CARM1: variants seen among roughly 807,000 people sequenced by gnomAD.
The protein encoded by CARM1 is histone-arginine methyltransferase CARM1.
Under a neutral mutation model 72.7 loss-of-function variants are expected in CARM1, and 14 were observed. The observed-to-expected ratio is 0.19, with a 90% CI of 0.13 to 0.30. The LOEUF (loss-of-function observed/expected upper bound fraction) is 0.30. Among genes scored for constraint, CARM1 ranks in the 10% least tolerant of loss-of-function variants. The pLI, the probability that CARM1 is intolerant of heterozygous loss-of-function variation, is 1.00. For missense variants in CARM1, 432 were observed against 833.7 expected (o/e 0.52, Z 5.93); for synonymous variants, 333 against 345.5 (o/e 0.96, Z 0.40).
At chr19:10,895,313 C>T (rs1165723872) in intron 1 of CARM1, among the ~76,000 whole-genome samples, 1 of 152,152 alleles carries the variant, frequency 6.6e-6, no homozygotes, top group African/African-American at 2.4e-5. Flanking sequence ...CCATGTTGGC[C>T]GGACTAGTCT....
At chr19:10,914,109 C>A in intron 6 of CARM1, 55 bp downstream of exon 6, 1 of 1,504,738 alleles carries the variant, frequency 6.6e-7, no homozygotes, top group Admixed American at 2.1e-5. Context: ...CTGGCTGCCG[C>A]TGAGCCAGGC....
chr19:10,909,059 CG>C, intron 3 of CARM1, 43 bp from the exon 4 acceptor site: 3 of 1,478,004 alleles, frequency 2.0e-6, no homozygotes, highest in Non-Finnish European at 1.9e-6. Context: ...TTGGCTGCCT[CG>C]TGCCACCATG....
chr19:10,894,219 C>T (rs556467193), intron 1 of CARM1, among the ~76,000 whole-genome samples: 5 of 152,340 alleles, frequency 3.3e-5, no homozygotes, highest in South Asian at 4.1e-4. Flanking sequence ...CACTGCCCTG[C>T]TGGGTGCTGT....
intron 2 of CARM1, among the ~76,000 whole-genome samples, chr19:10,906,485 C>T (rs1249534626): frequency 3.9e-5 from 6 of 152,200 alleles, no homozygotes; most frequent in Non-Finnish European, 5.9e-5. Context: ...GACGGAGTCT[C>T]GCTCTGTCAC....
At chr19:10,921,538 CTT>C (rs2074250008) in intron 15 of CARM1, 75 bp from the exon 16 acceptor site, 1 of 1,570,068 alleles carries the variant, frequency 6.4e-7, no homozygotes, top group Non-Finnish European at 8.7e-7. Flanking sequence ...CTTGCCTGCC[CTT>C]TCTCTCTCTC....
Position 10,920,642 on chromosome 19 carries a change from C to G in CARM1, c.1335-17C>G, listed in dbSNP as rs771637225. 1 of 1,614,130 alleles carries G rather than the reference C, an allele frequency of 6.2e-7. No homozygotes were observed. ...TCTGCCCAGCAGCTCATGCCACGGC[C>G]TGCACCCTGTCCGCAGACAGAGCTA... On this transcript the variant is annotated splice_polypyrimidine_tract_variant and intron_variant, in intron 11 of 15. Transcript: ENST00000327064. The surrounding 1 kb of genome is among the most constrained non-coding windows in gnomAD (Gnocchi z 5.3).
intron 2 of CARM1, among the ~76,000 whole-genome samples, chr19:10,906,714 C>A (rs1328877061): frequency 1.3e-5 from 2 of 152,030 alleles, no homozygotes; most frequent in African/African-American, 4.8e-5. Flanking sequence ...ATCCGCCTGC[C>A]TCCGCCTCCC....
intron 1 of CARM1, among the ~76,000 whole-genome samples, chr19:10,902,353 G>T (rs1452908247): frequency 2.7e-5 from 4 of 146,180 alleles, no homozygotes; most frequent in African/African-American, 1.0e-4. Context: ...GAGTACAGTG[G>T]TGTGATCTTG....
chr19:10,896,831 A>G lies in CARM1; in HGVS notation c.221-8120A>G, dbSNP rs1370024878. On this transcript the variant is annotated intron_variant, in intron 1 of 15. Transcript: ENST00000327064. This position sits in a 1 kb window ranked among gnomAD's most constrained non-coding sequence, Gnocchi z 5.2. The stretch of plus-strand genomic sequence containing the variant: ...CTCGGCTGTCCTCACCGCCTCTAGG[A>G]TGGGGAGTGTGTCTCCATTGCCGAG... 6.6e-6 allele frequency among the ~76,000 whole-genome samples: 1 copy of G among 152,146 alleles called. No individual in the cohort carries two copies. The highest frequency in any genetic ancestry group is 2.4e-5 in the African/African-American group (1 of 41,418).
chr19:10,884,005 G>A lies in CARM1; in HGVS notation c.220+12083G>A, dbSNP rs1462718852. Among the ~76,000 whole-genome samples the A allele has an allele frequency of 3.5e-5, 5 of 144,482 alleles. No individual in the cohort carries two copies. The East Asian group carries it at 6.2e-4, about 18-fold the overall frequency. 94.8% of individuals were successfully genotyped at this position (144,482 alleles called of 152,430 possible). ...TGCACTCCGGCCTGGGTGACAGAGC[G>A]AGACTCTGTTTTTTTTTTTTTTTTT... On this transcript the variant is annotated intron_variant, in intron 1 of 15. Coordinates refer to ENST00000327064, the MANE Select transcript of CARM1 (RefSeq NM_199141.2).
At chr19:10,908,480 A>G (rs1257139022) in intron 3 of CARM1, 3 of 265,722 alleles carry the variant, frequency 1.1e-5, no homozygotes, top group Non-Finnish European at 2.2e-5. Flanking sequence ...GCGCTGTCAC[A>G]TGCACAGAAG....
chr19:10,873,225 C>T (rs1306698407), intron 1 of CARM1, among the ~76,000 whole-genome samples: 7 of 152,116 alleles, frequency 4.6e-5, no homozygotes, highest in Non-Finnish European at 1.0e-4. Context: ...CAAAGCGGGG[C>T]AGCGTTTCCA....
At chr19:10,918,069 T>C (rs1238040494) in intron 8 of CARM1, among the ~76,000 whole-genome samples, 1 of 151,974 alleles carries the variant, frequency 6.6e-6, no homozygotes, top group Non-Finnish European at 1.5e-5. Flanking sequence ...CAGGAAATAT[T>C]TTGGTGGTAT....
intron 1 of CARM1, 144 bp downstream of exon 1, chr19:10,872,066 C>G: frequency 4.7e-6 from 3 of 633,246 alleles, no homozygotes; most frequent in Non-Finnish European, 4.3e-6. Flanking sequence ...AGGGAGCGAC[C>G]GTGGAGGGCC....
At chr19:10,881,722 C>G (rs935699327) in intron 1 of CARM1, among the ~76,000 whole-genome samples, 10 of 152,070 alleles carry the variant, frequency 6.6e-5, no homozygotes, top group African/African-American at 2.4e-4. Context: ...GAGACCCACT[C>G]TTTCATTCAT....
intron 1 of CARM1, among the ~76,000 whole-genome samples, chr19:10,877,002 G>A (rs1407522967): frequency 6.6e-6 from 1 of 152,234 alleles, no homozygotes; most frequent in Non-Finnish European, 1.5e-5. Flanking sequence ...TTCAGTTTGT[G>A]AGGGGCATGC....
intron 8 of CARM1, among the ~76,000 whole-genome samples, chr19:10,917,573 T>C (rs1599710347): frequency 6.6e-6 from 1 of 152,180 alleles, no homozygotes; most frequent in African/African-American, 2.4e-5. Flanking sequence ...TCTTGGATAC[T>C]ATCTCTTTAA....
intron 1 of CARM1, among the ~76,000 whole-genome samples, chr19:10,889,549 G>A (rs946726178): frequency 7.5e-5 from 11 of 146,802 alleles, no homozygotes; most frequent in East Asian, 2.0e-4. Context: ...GGCTGGTCTC[G>A]AACTCCTGGC....
chr19:10,871,863 A>T lies in CARM1; in HGVS notation c.161A>T (p.Gln54Leu). The change falls in exon 1 of 16, where the codon CAG becomes CTG. Residue 54 changes from glutamine (Q) to leucine (L), a missense_variant. Transcript: ENST00000327064. This position sits in a 1 kb window ranked among gnomAD's most constrained non-coding sequence, Gnocchi z 5.6. ...GAGATCCAGCGGCACGCGGAGCAGC[A>T]GGCGCTGCGCCTCGAGGTGCGCGCC... ...NGEIQRHAEQ[Q>L]ALRLEVRAGP... 7.8e-7 allele frequency: 1 copy of T among 1,287,822 alleles called. No individual in the cohort carries two copies. Among genetic ancestry groups the T allele is most frequent in the Non-Finnish European group, 9.9e-7 (1 of 1,011,962 alleles). The allele number at this position is 1,287,822 out of a possible 1,614,324, so 79.8% of individuals were successfully genotyped here.
Sources: allele counts gnomAD v4.1 joint callset (sites outside exome capture counted in the v4.1 genomes callset), GRCh38; gene constraint gnomAD v4.1.1; non-coding constraint Gnocchi (gnomAD v3.1); transcripts MANE v1.5; gene names NCBI Gene and HGNC (gene_info 2026-07-23, HGNC 2026-07-21).